The following ZSCAN5A variants were observed in gnomAD, a reference collection of about 807,000 sequenced individuals.
The protein encoded by ZSCAN5A is zinc finger and SCAN domain containing 5A.
A neutral mutation model predicts 23.7 loss-of-function variants in ZSCAN5A; 12 were observed. That is an observed-to-expected ratio of 0.51 (90% CI 0.32 to 0.82). The LOEUF (loss-of-function observed/expected upper bound fraction) is 0.82. Ranked by LOEUF, ZSCAN5A falls within the 40% of genes least tolerant of loss-of-function variation. The pLI, the probability that ZSCAN5A is intolerant of heterozygous loss-of-function variation, is 0.03. For missense variants in ZSCAN5A, 597 were observed against 617.9 expected (o/e 0.97, Z 0.36); for synonymous variants, 257 against 239.9 (o/e 1.07, Z -0.66).
At chr19:56,328,026 ATAGT>A (rs2041452267) in intron 2 of ZSCAN5A, among the ~76,000 whole-genome samples, 1 of 152,196 alleles carries the variant, frequency 6.6e-6, no homozygotes, top group Non-Finnish European at 1.5e-5. Context: ...GTATATCCAC[ATAGT>A]TAGAAGTAGC....
At chr19:56,303,054 A>G in intron 2 of ZSCAN5A, 1 of 395,230 alleles carries the variant, frequency 2.5e-6, no homozygotes, top group East Asian at 3.6e-5. Flanking sequence ...GCCTTTCTGC[A>G]GGAGGTGACA....
At chr19:56,267,307 G>A (rs933156476) in intron 2 of ZSCAN5A, among the ~76,000 whole-genome samples, 4 of 151,966 alleles carry the variant, frequency 2.6e-5, no homozygotes, top group Admixed American at 6.6e-5. Context: ...CCCCAACACC[G>A]AGACTGCTTG....
intron 2 of ZSCAN5A, chr19:56,343,265 T>G: frequency 1.2e-6 from 1 of 821,588 alleles, no homozygotes; most frequent in Admixed American, 2.1e-5. Flanking sequence ...AGTATTCCTC[T>G]GTGAGGAGGC....
chr19:56,350,979 G>A (rs2041663991), intron 2 of ZSCAN5A, among the ~76,000 whole-genome samples: 1 of 151,816 alleles, frequency 6.6e-6, no homozygotes, highest in Non-Finnish European at 1.5e-5. Flanking sequence ...ACAGGAGAAG[G>A]CCCAATTGCT....
At chr19:56,315,589 C>T (rs4801313), upstream of ZSCAN5A, 1 of 152,060 alleles carries the variant, frequency 6.6e-6, no homozygotes, top group Non-Finnish European at 1.5e-5. Flanking sequence ...TGTGGGTTCT[C>T]AGCCAAGCTC....
At chr19:56,259,587 AG>A (rs2146840168) in intron 2 of ZSCAN5A, among the ~76,000 whole-genome samples, 1 of 152,346 alleles carries the variant, frequency 6.6e-6, no homozygotes, top group South Asian at 2.1e-4. Context: ...TTTTAGTGGC[AG>A]AAAATTCATG....
chr19:56,272,489 TG>T (rs1327541538), intron 2 of ZSCAN5A, among the ~76,000 whole-genome samples: 1 of 152,216 alleles, frequency 6.6e-6, no homozygotes, highest in Non-Finnish European at 1.5e-5. Context: ...TATTTTCTTT[TG>T]TTTTTTCCCT....
chr19:56,270,770 G>C (rs2037790539), intron 2 of ZSCAN5A, among the ~76,000 whole-genome samples: 2 of 152,018 alleles, frequency 1.3e-5, no homozygotes, highest in African/African-American at 4.8e-5. Context: ...GGTTGGTGTG[G>C]GGTGGGTGGG....
intron 1 of ZSCAN5A, chr19:56,314,340 A>G (rs955638081): frequency 2.6e-5 from 4 of 152,158 alleles, no homozygotes; most frequent in Non-Finnish European, 5.9e-5. Flanking sequence ...GCGTGAAAGG[A>G]AGTCTGGGTT....
intron 2 of ZSCAN5A, chr19:56,281,832 C>A: frequency 2.9e-6 from 1 of 347,186 alleles, no homozygotes; most frequent in Non-Finnish European, 4.1e-6. Flanking sequence ...GTCCTCAATT[C>A]AAACATGACC....
intron 2 of ZSCAN5A, among the ~76,000 whole-genome samples, chr19:56,355,123 G>C: frequency 8.0e-6 from 1 of 124,610 alleles, no homozygotes; most frequent in Non-Finnish European, 1.7e-5. Flanking sequence ...TAATCATGAT[G>C]TGGGGCATTT....
chr19:56,307,417 T>C (rs565682719), intron 2 of ZSCAN5A, among the ~76,000 whole-genome samples: 1 of 152,346 alleles, frequency 6.6e-6, no homozygotes, highest in South Asian at 2.1e-4. Context: ...TACTGAAATC[T>C]TACATGGAAT....
At chr19:56,333,147 G>A (rs959244602) in intron 2 of ZSCAN5A, among the ~76,000 whole-genome samples, 1 of 151,524 alleles carries the variant, frequency 6.6e-6, no homozygotes, top group African/African-American at 2.4e-5. Context: ...GGTGATGTCT[G>A]TTTCGTATAG....
chr19:56,297,547 C>G, intron 2 of ZSCAN5A: 1 of 983,516 alleles, frequency 1.0e-6, no homozygotes, highest in Non-Finnish European at 1.2e-6. Context: ...TGCTTGGGGT[C>G]GTACCATTCC....
chr19:56,295,606 A>G (rs375802546), intron 2 of ZSCAN5A, among the ~76,000 whole-genome samples: 3 of 151,638 alleles, frequency 2.0e-5, no homozygotes, highest in African/African-American at 7.3e-5. Flanking sequence ...AAAACAAAAA[A>G]CAAAACAAAA....
intron 2 of ZSCAN5A, among the ~76,000 whole-genome samples, chr19:56,335,990 G>C (rs12976103): frequency 6.6e-6 from 1 of 152,084 alleles, no homozygotes; most frequent in African/African-American, 2.4e-5. Context: ...TGGGTAACCC[G>C]ACCTTTCTCT....
rs201043563 is a variant in ZSCAN5A at position 56,222,021 on chromosome 19, C to T, written c.1045G>A (p.Glu349Lys). 107 of 1,614,218 alleles carry T rather than the reference C, an allele frequency of 6.6e-5. No homozygotes were observed. Among genetic ancestry groups the T allele is most frequent in the Middle Eastern group, 6.6e-4 (4 of 6,062 alleles). Residue 349 changes from glutamate (E) to lysine (K), a missense_variant, in exon 6 of 6, where the codon GAA becomes AAA. Glu to Lys is a moderately conservative substitution (Grantham distance 56, BLOSUM62 1). Around this residue, in one of 5 missense-constraint regions of ZSCAN5A, gnomAD observed 406 missense variants for 353.2 expected, o/e 1.15. Coordinates refer to ENST00000683990, the MANE Select transcript of ZSCAN5A (RefSeq NM_001322064.3). ...ASPVSHPDGQ[E>K]AKALPPFACD... ...GCAAAGGGCGGCAGTGCCTTGGCTT[C>T]TTGGCCATCCGGGTGACTGACTGGG...
intron 2 of ZSCAN5A, chr19:56,228,357 G>C: frequency 1.0e-6 from 1 of 985,170 alleles, no homozygotes; most frequent in South Asian, 4.7e-5. Flanking sequence ...TCCAGGCCGC[G>C]TTTCCGGTTC....
chr19:56,320,066 CTCT>C, intron 2 of ZSCAN5A: 2 of 781,966 alleles, frequency 2.6e-6, no homozygotes, highest in South Asian at 1.3e-5. Context: ...CTTACAAAAT[CTCT>C]TCTTATACCT....
Sources: gnomAD v4.1 joint callset for allele counts (sites outside exome capture counted in the v4.1 genomes callset) on GRCh38, gnomAD v4.1.1 for gene constraint, gnomAD v4.1.1 regional missense constraint, MANE v1.5 for transcripts, NCBI Gene and HGNC (gene_info 2026-07-23, HGNC 2026-07-21) for gene names.